The following CAMTA1 variants were observed in gnomAD, a reference collection of about 807,000 sequenced individuals.
The protein encoded by CAMTA1 is calmodulin-binding transcription activator 1.
In CAMTA1, 27 loss-of-function variants were observed where a neutral mutation model predicts 170.9. The observed-to-expected ratio is 0.16, with a 90% CI of 0.12 to 0.22. The LOEUF (loss-of-function observed/expected upper bound fraction) is 0.22, where lower values mean the gene tolerates loss of function less well. CAMTA1 is among the 10% of genes least tolerant of loss of function. The pLI is 1.00. For synonymous variants in CAMTA1, 833 were observed against 891.5 expected (o/e 0.93, Z 1.17); for missense variants, 1,619 against 2,217.2 (o/e 0.73, Z 5.42).
Position 7,325,312 on chromosome 1 carries a change from T to A in CAMTA1, c.438+75686T>A, listed in dbSNP as rs1159501144. 6.6e-6 allele frequency among the ~76,000 whole-genome samples: 1 copy of A among 152,174 alleles called. No homozygotes were observed. Among genetic ancestry groups the A allele is most frequent in the Non-Finnish European group, 1.5e-5 (1 of 68,022 alleles). ...TAGAACAAGATAGGGAGGCTGGGAA[T>A]GCAAATGGCAGTTTTCTGTGGAGTG... On this transcript the variant is annotated intron_variant, in intron 5 of 22. Coordinates refer to ENST00000303635, the MANE Select transcript of CAMTA1 (RefSeq NM_015215.4). This position sits in a 1 kb window ranked among gnomAD's most constrained non-coding sequence, Gnocchi z 5.0.
chr1:6,873,860 A>G (rs552592582), intron 3 of CAMTA1, among the ~76,000 whole-genome samples: 1 of 152,280 alleles, frequency 6.6e-6, no homozygotes, highest in South Asian at 2.1e-4. Flanking sequence ...ATTGAGAAAA[A>G]CCTTCATTTG....
chr1:7,212,810 A>G (rs1558254592), intron 4 of CAMTA1, among the ~76,000 whole-genome samples: 1 of 152,070 alleles, frequency 6.6e-6, no homozygotes, highest in African/African-American at 2.4e-5. Flanking sequence ...TCTGTTCTCT[A>G]TGTCTATAAT....
intron 4 of CAMTA1, among the ~76,000 whole-genome samples, chr1:7,124,958 G>A (rs764037515): frequency 1.2e-4 from 19 of 152,164 alleles, no homozygotes; most frequent in Non-Finnish European, 2.1e-4. Context: ...TTTTCCCAGT[G>A]CCCTTAAATC....
At chr1:7,629,715 C>T (rs1258392290) in intron 6 of CAMTA1, among the ~76,000 whole-genome samples, 1 of 152,212 alleles carries the variant, frequency 6.6e-6, no homozygotes, top group Non-Finnish European at 1.5e-5. Context: ...CTCACCCCTG[C>T]ACTCCCTAGT....
intron 5 of CAMTA1, among the ~76,000 whole-genome samples, chr1:7,263,121 A>G (rs75743311): frequency 1.4e-4 from 22 of 152,244 alleles, no homozygotes; most frequent in Non-Finnish European, 2.9e-4. Context: ...ACCTGGCAAC[A>G]AGATTCTCAG....
rs41278040 is a variant in CAMTA1, at chr1:6,887,854, A to G, written c.234+62644A>G. 2.8e-6 allele frequency: 4 copies of G among 1,434,050 alleles called. No individual in the cohort carries two copies. The highest frequency in any genetic ancestry group is 2.6e-5 in the East Asian group (1 of 38,650). 88.8% of individuals were successfully genotyped at this position (1,434,050 alleles called of 1,614,324 possible). On this transcript the variant is annotated intron_variant, in intron 3 of 22. Transcript: ENST00000303635. The surrounding 1 kb of genome is among the most constrained non-coding windows in gnomAD (Gnocchi z 4.1). ...AAAACCCCAAATTAATTTGAACCGA[A>G]TGTTACTAAAAATGAAATAGAATAA...
At chr1:7,332,688 G>A (rs2083106031) in intron 5 of CAMTA1, among the ~76,000 whole-genome samples, 1 of 152,194 alleles carries the variant, frequency 6.6e-6, no homozygotes, top group Non-Finnish European at 1.5e-5. Flanking sequence ...GCTAATGAGC[G>A]ACACAGTGTA....
intron 5 of CAMTA1, among the ~76,000 whole-genome samples, chr1:7,371,576 A>G (rs531969572): frequency 1.3e-5 from 2 of 152,230 alleles, no homozygotes; most frequent in East Asian, 1.9e-4. Flanking sequence ...CATGTTTTCT[A>G]TCGCCCTGTC....
chr1:7,526,678 G>A (rs1281135778), intron 6 of CAMTA1, among the ~76,000 whole-genome samples: 1 of 152,202 alleles, frequency 6.6e-6, no homozygotes, highest in African/African-American at 2.4e-5. Flanking sequence ...CTGGCTGAGG[G>A]GCGAGGCCAG....
At chr1:7,503,840 C>G (rs1367091823) in intron 6 of CAMTA1, among the ~76,000 whole-genome samples, 1 of 152,166 alleles carries the variant, frequency 6.6e-6, no homozygotes, top group Non-Finnish European at 1.5e-5. Context: ...GAGTTCCCTG[C>G]AAGTGTGACG....
chr1:7,310,671 C>CTTTTTTTTTT (rs59687486), intron 5 of CAMTA1, among the ~76,000 whole-genome samples: 1 of 33,324 alleles, frequency 3.0e-5, no homozygotes, highest in African/African-American at 1.6e-4. Flanking sequence ...TTCTTTCTTT[C>CTTTTTTTTTT]CTTTCTTTCT....
intron 11 of CAMTA1, among the ~76,000 whole-genome samples, chr1:7,721,458 A>G (rs1001920839): frequency 1.3e-5 from 2 of 152,154 alleles, no homozygotes; most frequent in Admixed American, 1.3e-4. Flanking sequence ...TATTATTATT[A>G]TTAATAATAT....
intron 6 of CAMTA1, among the ~76,000 whole-genome samples, chr1:7,533,489 G>A (rs1037870831): frequency 6.6e-6 from 1 of 152,230 alleles, no homozygotes; most frequent in Non-Finnish European, 1.5e-5. Flanking sequence ...TCCGAAGGGA[G>A]GTAGAGGTGG....
At chr1:7,242,597 A>G (rs987212794) in intron 4 of CAMTA1, among the ~76,000 whole-genome samples, 3 of 152,052 alleles carry the variant, frequency 2.0e-5, no homozygotes, top group African/African-American at 4.8e-5. Context: ...GGTATTTTCC[A>G]TGTGCCTTCT....
intron 6 of CAMTA1, among the ~76,000 whole-genome samples, chr1:7,498,316 G>A (rs1335865617): frequency 1.3e-5 from 2 of 151,648 alleles, no homozygotes; most frequent in African/African-American, 2.4e-5. Flanking sequence ...GTGGATGTGT[G>A]TGTAAGAGTG....
chr1:7,088,874 C>G (rs1014250931), intron 3 of CAMTA1, among the ~76,000 whole-genome samples: 2 of 152,246 alleles, frequency 1.3e-5, no homozygotes, highest in African/African-American at 4.8e-5. Context: ...AATCCACGTA[C>G]TGACTCCAGC....
At chr1:7,167,422 C>CCATAA (rs1379693753) in intron 4 of CAMTA1, among the ~76,000 whole-genome samples, 2 of 152,020 alleles carry the variant, frequency 1.3e-5, no homozygotes, top group Non-Finnish European at 2.9e-5. Flanking sequence ...TTTCTGGGCC[C>CCATAA]CTTATGCCAT....
chr1:7,097,767 T>G (rs1642246489), intron 4 of CAMTA1, among the ~76,000 whole-genome samples: 1 of 152,084 alleles, frequency 6.6e-6, no homozygotes, highest in Non-Finnish European at 1.5e-5. Flanking sequence ...GAGCCACACA[T>G]TGTGTGATGT....
At chr1:6,888,410 A>G (rs943013284) in intron 3 of CAMTA1, among the ~76,000 whole-genome samples, 3 of 152,208 alleles carry the variant, frequency 2.0e-5, no homozygotes, top group Non-Finnish European at 2.9e-5. Flanking sequence ...GACTTACTAT[A>G]TGTGATGGTA....
Sources: allele counts gnomAD v4.1 joint callset (sites outside exome capture counted in the v4.1 genomes callset), GRCh38; gene constraint gnomAD v4.1.1; non-coding constraint Gnocchi (gnomAD v3.1); transcripts MANE v1.5; gene names NCBI Gene and HGNC (gene_info 2026-07-23, HGNC 2026-07-21).